The following RGS7BP variants were observed in gnomAD, a reference collection of about 807,000 sequenced individuals.
RGS7BP encodes regulator of G protein signaling 7 binding protein, also known as regulator of G protein signaling 7-binding protein.
Under a neutral mutation model 31.3 loss-of-function variants are expected in RGS7BP, and 9 were observed. The observed-to-expected ratio is 0.29, with a 90% confidence interval of 0.17 to 0.50. The LOEUF (loss-of-function observed/expected upper bound fraction) is 0.50. RGS7BP is among the 20% of genes least tolerant of loss of function. The probability of loss-of-function intolerance (pLI) is 0.98; values close to 1 mark genes in which losing one functional copy is unlikely to be tolerated. For synonymous variants in RGS7BP, 115 were observed against 120.1 expected (o/e 0.96, Z 0.28); for missense variants, 274 against 322.0 (o/e 0.85, Z 1.14).
At position 64,610,981 on chromosome 5, in the gene RGS7BP, T is replaced by C. The variant is rs1236479128; in HGVS notation, c.*1729T>C. The C allele has an allele frequency of 1.3e-5, 2 of 151,886 alleles. No individual in the cohort carries two copies. The highest frequency in any genetic ancestry group is 3.9e-4 in the East Asian group (2 of 5,154). 9.4% of individuals were successfully genotyped at this position (151,886 alleles called of 1,614,324 possible). On this transcript the variant is annotated 3_prime_UTR_variant, in exon 6 of 6. Transcript: ENST00000334025. ...TTCCAAGGAACCAGTAATTAATGCA[T>C]GGTTATAGGTATACCTGGCTTCAAA...
chr5:64,538,100 T>C lies in RGS7BP; in HGVS notation c.332+30223T>C, dbSNP rs191648704. On this transcript the variant is annotated intron_variant, in intron 2 of 5. Transcript: ENST00000334025. ...AGTATGCATTATTTTACCTACTTAG[T>C]GGAAACCATATACATAGCTAATTTT... Among the ~76,000 whole-genome samples, 9 of 152,332 alleles carry C rather than the reference T, an allele frequency of 5.9e-5. No individual in the cohort carries two copies. In the East Asian group the frequency reaches 1.5e-3, roughly 26 times the overall value.
At chr5:64,584,974 T>TA (rs1433104553) in intron 3 of RGS7BP, among the ~76,000 whole-genome samples, 1 of 152,144 alleles carries the variant, frequency 6.6e-6, no homozygotes, top group Non-Finnish European at 1.5e-5. Flanking sequence ...TGGATTACTT[T>TA]AAAAAACAGC....
intron 2 of RGS7BP, among the ~76,000 whole-genome samples, chr5:64,537,305 A>G (rs947479951): frequency 6.6e-6 from 1 of 152,214 alleles, no homozygotes; most frequent in Non-Finnish European, 1.5e-5. Context: ...ATGTTTTAAG[A>G]AAGTTTACAA....
chr5:64,547,789 A>T (rs2111827861), intron 2 of RGS7BP, among the ~76,000 whole-genome samples: 1 of 152,282 alleles, frequency 6.6e-6, no homozygotes, highest in Admixed American at 6.5e-5. Flanking sequence ...CATTTTGTAT[A>T]AGTAGTAAGT....
At chr5:64,604,527 G>A (rs529535665) in intron 5 of RGS7BP, among the ~76,000 whole-genome samples, 116 of 152,192 alleles carry the variant, frequency 7.6e-4, no homozygotes, top group Non-Finnish European at 1.4e-3. Flanking sequence ...TAATCCAGTG[G>A]TTCTCAAAGT....
chr5:64,527,557 CT>C (rs1749260095), intron 2 of RGS7BP, among the ~76,000 whole-genome samples: 1 of 124,808 alleles, frequency 8.0e-6, no homozygotes, highest in Admixed American at 1.0e-4. Flanking sequence ...TTCTAAGTTT[CT>C]TTTAGGCACA....
At chr5:64,567,330 A>G (rs1440827402) in intron 2 of RGS7BP, among the ~76,000 whole-genome samples, 7 of 152,170 alleles carry the variant, frequency 4.6e-5, no homozygotes, top group African/African-American at 1.7e-4. Context: ...CGGGTATTCT[A>G]TAACTATACA....
chr5:64,588,492 A>G (rs1282823000), intron 3 of RGS7BP, among the ~76,000 whole-genome samples: 1 of 152,198 alleles, frequency 6.6e-6, no homozygotes, highest in Non-Finnish European at 1.5e-5. Flanking sequence ...CACTGTGTGT[A>G]CAGGTAGTGT....
At chr5:64,554,427 CA>C (rs2111844287) in intron 2 of RGS7BP, among the ~76,000 whole-genome samples, 1 of 152,228 alleles carries the variant, frequency 6.6e-6, no homozygotes, top group African/African-American at 2.4e-5. Flanking sequence ...AGATGCTCTT[CA>C]AATCATCCAT....
At chr5:64,572,561 A>G (rs919949809) in intron 2 of RGS7BP, among the ~76,000 whole-genome samples, 1 of 152,088 alleles carries the variant, frequency 6.6e-6, no homozygotes, top group African/African-American at 2.4e-5. Context: ...CTTTCTCTAT[A>G]TTTCAATTTC....
intron 2 of RGS7BP, among the ~76,000 whole-genome samples, chr5:64,548,433 G>C (rs556598021): frequency 6.6e-6 from 1 of 152,144 alleles, no homozygotes; most frequent in Non-Finnish European, 1.5e-5. Context: ...ATTTCTGTAC[G>C]CAAGTTAAAT....
intron 2 of RGS7BP, among the ~76,000 whole-genome samples, chr5:64,569,264 A>G (rs1742249393): frequency 6.6e-6 from 1 of 152,034 alleles, no homozygotes; most frequent in Non-Finnish European, 1.5e-5. Flanking sequence ...TCCTGGTGGA[A>G]TCACACTTGC....
chr5:64,606,037 T>G (rs201601063), intron 5 of RGS7BP, among the ~76,000 whole-genome samples: 12,480 of 121,006 alleles, frequency 0.1, 1,128 homozygotes, highest in African/African-American at 0.15. Context: ...TATATATATA[T>G]ATAGAGAGAG....
chr5:64,534,600 G>A (rs1333316035), intron 2 of RGS7BP, among the ~76,000 whole-genome samples: 4 of 152,164 alleles, frequency 2.6e-5, no homozygotes, highest in Non-Finnish European at 5.9e-5. Flanking sequence ...TGATTTGATG[G>A]TGGTGCTGTG....
At chr5:64,520,721 G>A (rs1435333052) in intron 2 of RGS7BP, among the ~76,000 whole-genome samples, 3 of 152,176 alleles carry the variant, frequency 2.0e-5, no homozygotes, top group African/African-American at 7.2e-5. Context: ...ATGTTAGCAG[G>A]GGCAGAACTC....
intron 5 of RGS7BP, among the ~76,000 whole-genome samples, chr5:64,600,979 A>G (rs1458504912): frequency 6.6e-6 from 1 of 152,196 alleles, no homozygotes; most frequent in Non-Finnish European, 1.5e-5. Flanking sequence ...TAGACCATAG[A>G]GGCTTCCCCA....
At chr5:64,583,765 A>C (rs569674114) in intron 3 of RGS7BP, among the ~76,000 whole-genome samples, 8 of 152,130 alleles carry the variant, frequency 5.3e-5, no homozygotes, top group Admixed American at 2.0e-4. Flanking sequence ...AAGAATATAA[A>C]CATAACTAAC....
rs143693068 is a variant in RGS7BP, at chr5:64,523,688, T to C, written c.332+15811T>C. On this transcript the variant is annotated intron_variant, in intron 2 of 5. Coordinates refer to ENST00000334025, the MANE Select transcript of RGS7BP (RefSeq NM_001029875.3). ...TAAAATAAAAAGAATACACCAAATA[T>C]TGAGAAAAAAGGAAATATATTTTGG... 2.0e-3 allele frequency among the ~76,000 whole-genome samples: 297 copies of C among 152,294 alleles called. 1 individual carries two copies. The highest frequency in any genetic ancestry group is 6.7e-3 in the African/African-American group (278 of 41,538).
At chr5:64,598,473 T>A in intron 5 of RGS7BP, 38 bp downstream of exon 5, 1 of 1,211,444 alleles carries the variant, frequency 8.3e-7, no homozygotes, top group Non-Finnish European at 1.2e-6. Context: ...AGAGGATGTT[T>A]TTAATGGGAT....
Sources: gnomAD v4.1 joint callset for allele counts (sites outside exome capture counted in the v4.1 genomes callset) on GRCh38, gnomAD v4.1.1 for gene constraint, MANE v1.5 for transcripts, NCBI Gene and HGNC (gene_info 2026-07-23, HGNC 2026-07-21) for gene names.